Variants in ROR1 observed in about 807,000 individuals in gnomAD.
ROR1 encodes the protein ROR family WNT receptor 1.
Under a neutral mutation model 78.8 loss-of-function variants are expected in ROR1, and 19 were observed. The ratio of observed to expected loss-of-function variants is 0.24; its 90% CI spans 0.17 to 0.35. ROR1 has a LOEUF of 0.35. Among genes scored for constraint, ROR1 ranks in the 10% least tolerant of loss-of-function variants. ROR1 has a pLI of 1.00. For synonymous variants in ROR1, 386 were observed against 433.6 expected (o/e 0.89, Z 1.36); for missense variants, 917 against 1,177.8 (o/e 0.78, Z 3.24).
intron 1 of ROR1, chr1:63,788,683 G>T: frequency 3.9e-6 from 1 of 257,864 alleles, no homozygotes; most frequent in South Asian, 6.6e-5. Flanking sequence ...TATAATCACA[G>T]AAGCCAGTAT....
intron 4 of ROR1, among the ~76,000 whole-genome samples, chr1:64,079,840 T>TC (rs1281683002): frequency 3.6e-5 from 4 of 109,644 alleles, no homozygotes; most frequent in Admixed American, 3.6e-4. Context: ...CAATCTTGAT[T>TC]TTTTTTTTTA....
intron 1 of ROR1, among the ~76,000 whole-genome samples, chr1:63,798,075 AG>A (rs1644772418): frequency 6.6e-6 from 1 of 152,148 alleles, no homozygotes. Flanking sequence ...TTTTGGCAGT[AG>A]GTCTCCTGAT....
At chr1:64,176,359 G>A (rs1211695306) in intron 8 of ROR1, among the ~76,000 whole-genome samples, 5 of 152,202 alleles carry the variant, frequency 3.3e-5, no homozygotes, top group Non-Finnish European at 7.3e-5. Context: ...CTTACCATGG[G>A]CCAGACATAG....
intron 1 of ROR1, among the ~76,000 whole-genome samples, chr1:63,985,337 T>C (rs1228984634): frequency 6.6e-6 from 1 of 152,192 alleles, no homozygotes; most frequent in Non-Finnish European, 1.5e-5. Context: ...GAAAGCATTC[T>C]GCCTCAGACA....
intron 1 of ROR1, among the ~76,000 whole-genome samples, chr1:63,867,990 C>T (rs1388155017): frequency 6.6e-6 from 1 of 152,194 alleles, no homozygotes; most frequent in Non-Finnish European, 1.5e-5. Flanking sequence ...GGGCCACACG[C>T]CTTGGCACCA....
intron 1 of ROR1, among the ~76,000 whole-genome samples, chr1:63,860,588 C>CACACACACACACACACACAT (rs1645174041): frequency 1.1e-4 from 16 of 145,540 alleles, no homozygotes; most frequent in African/African-American, 3.9e-4. Context: ...CACACACACA[C>CACACACACACACACACACAT]ACACACACAC....
chr1:64,076,596 T>C (rs1647051955), intron 4 of ROR1, among the ~76,000 whole-genome samples: 2 of 152,190 alleles, frequency 1.3e-5, no homozygotes, highest in Admixed American at 6.5e-5. Context: ...GTGGTACAAT[T>C]CTGGAAGTGT....
At chr1:63,966,269 C>T (rs894823937) in intron 1 of ROR1, among the ~76,000 whole-genome samples, 1 of 152,184 alleles carries the variant, frequency 6.6e-6, no homozygotes, top group Non-Finnish European at 1.5e-5. Context: ...AAGCGACAGT[C>T]GGAATCCCCT....
intron 4 of ROR1, chr1:64,111,023 A>T (rs868150021): frequency 7.2e-5 from 11 of 152,048 alleles, no homozygotes; most frequent in South Asian, 2.1e-4. Context: ...CAATGATTCC[A>T]TTCAGAAACT....
chr1:64,037,597 T>G (rs953601240), intron 2 of ROR1, among the ~76,000 whole-genome samples: 7 of 152,114 alleles, frequency 4.6e-5, no homozygotes, highest in African/African-American at 1.4e-4. Flanking sequence ...GGTTCCTCAA[T>G]GTAGTCATAT....
intron 4 of ROR1, among the ~76,000 whole-genome samples, chr1:64,057,402 G>T (rs557666724): frequency 1.3e-5 from 2 of 152,312 alleles, no homozygotes; most frequent in African/African-American, 4.8e-5. Context: ...TGAGTACTCT[G>T]TATTAGTATT....
At chr1:63,849,416 G>T (rs1012815539) in intron 1 of ROR1, among the ~76,000 whole-genome samples, 2 of 152,234 alleles carry the variant, frequency 1.3e-5, no homozygotes, top group East Asian at 1.9e-4. Context: ...CCTAAAATAG[G>T]GTCAGGAGCA....
intron 1 of ROR1, among the ~76,000 whole-genome samples, chr1:63,952,342 GAC>G (rs1645946954): frequency 6.6e-6 from 1 of 152,208 alleles, no homozygotes; most frequent in African/African-American, 2.4e-5. Flanking sequence ...GGTGATGGAG[GAC>G]CTAGGTAAGG....
intron 6 of ROR1, among the ~76,000 whole-genome samples, 187 bp downstream of exon 6, chr1:64,140,613 G>T (rs911934669): frequency 2.6e-5 from 4 of 152,126 alleles, no homozygotes; most frequent in African/African-American, 9.7e-5. Context: ...GCTTCATGAA[G>T]ACAATAATTT....
chr1:63,917,539 G>T (rs1016320955), intron 1 of ROR1, among the ~76,000 whole-genome samples: 41 of 152,202 alleles, frequency 2.7e-4, no homozygotes, highest in African/African-American at 9.4e-4. Flanking sequence ...ATCCCCTATT[G>T]CTAGACTCAA....
rs71056017 is a variant in ROR1, at chr1:64,014,773, T to TATATATATACAC, written c.163+5398_163+5399insTATATATACACA. Among the ~76,000 whole-genome samples the TATATATATACAC allele has an allele frequency of 6.2e-3, 290 of 46,726 alleles. 27 individuals are homozygous for TATATATATACAC. The highest frequency in any genetic ancestry group is 0.016 in the South Asian group (11 of 696). The allele number at this position is 46,726 out of a possible 152,430, so 30.7% of individuals were successfully genotyped here. ...ATATATATATATATATATATATATA[T>TATATATATACAC]ACACATTTTGTCCTGGTTTGCCTTT... On this transcript the variant is annotated intron_variant, in intron 2 of 8. Transcript: ENST00000371079.
At chr1:63,785,343 A>G (rs1487761635) in intron 1 of ROR1, among the ~76,000 whole-genome samples, 1 of 152,132 alleles carries the variant, frequency 6.6e-6, no homozygotes, top group Admixed American at 6.5e-5. Context: ...CCTACCTTAA[A>G]GAGGTAATGC....
intron 1 of ROR1, among the ~76,000 whole-genome samples, chr1:63,787,283 A>G (rs1414561835): frequency 6.6e-6 from 1 of 152,218 alleles, no homozygotes; most frequent in Non-Finnish European, 1.5e-5. Flanking sequence ...TAGGCCGTCT[A>G]AATCACACCT....
intron 1 of ROR1, among the ~76,000 whole-genome samples, chr1:63,907,741 C>T (rs994488056): frequency 6.6e-6 from 1 of 152,166 alleles, no homozygotes; most frequent in African/African-American, 2.4e-5. Context: ...ACTTGAAACA[C>T]TTCTTGTGCA....
Sources: allele counts gnomAD v4.1 joint callset (sites outside exome capture counted in the v4.1 genomes callset), GRCh38; gene constraint gnomAD v4.1.1; transcripts MANE v1.5; gene names NCBI Gene and HGNC (gene_info 2026-07-23, HGNC 2026-07-21).